The following EDIL3 variants were observed in gnomAD, a reference collection of about 807,000 sequenced individuals.
EDIL3 encodes the protein EGF like and discoidin domains 3, also known as EGF-like repeat and discoidin I-like domain-containing protein 3.
A neutral mutation model predicts 67.4 loss-of-function variants in EDIL3; 37 were observed. The ratio of observed to expected loss-of-function variants is 0.55; its 90% confidence interval spans 0.42 to 0.72. The LOEUF (loss-of-function observed/expected upper bound fraction) is 0.72, where lower values mean the gene tolerates loss of function less well. Ranked by LOEUF, EDIL3 falls within the 30% of genes least tolerant of loss-of-function variation. EDIL3 has a pLI of 0.00. For missense variants in EDIL3, 527 were observed against 586.3 expected, an observed-to-expected ratio of 0.90 and a Z score of 1.04; for synonymous variants, 195 against 196.3, an observed-to-expected ratio of 0.99 and a Z score of 0.05.
chr5:84,087,941 A>G (rs1403813357), intron 6 of EDIL3, among the ~76,000 whole-genome samples: 1 of 152,142 alleles, frequency 6.6e-6, no homozygotes, highest in African/African-American at 2.4e-5. Context: ...TGTTTTTTCT[A>G]AGCATGGAAA....
chr5:84,267,802 A>C (rs1249105594), intron 1 of EDIL3, among the ~76,000 whole-genome samples: 2 of 152,238 alleles, frequency 1.3e-5, no homozygotes, highest in African/African-American at 4.8e-5. Context: ...AAATGACAGT[A>C]ATGGAGCCTT....
At chr5:84,190,877 A>G (rs1010718563) in intron 3 of EDIL3, among the ~76,000 whole-genome samples, 1 of 151,812 alleles carries the variant, frequency 6.6e-6, no homozygotes, top group African/African-American at 2.4e-5. Flanking sequence ...CACTCCTTAT[A>G]TTTTTGTACC....
intron 9 of EDIL3, among the ~76,000 whole-genome samples, chr5:83,987,876 T>TATATATATATATATAC (rs1745083192): frequency 6.8e-6 from 1 of 148,132 alleles, no homozygotes; most frequent in African/African-American, 2.5e-5. Context: ...TATGTATATA[T>TATATATATATATATAC]ATATATATAT....
At chr5:84,287,450 C>T (rs191157355) in intron 1 of EDIL3, among the ~76,000 whole-genome samples, 359 of 152,106 alleles carry the variant, frequency 2.4e-3, no homozygotes, top group Non-Finnish European at 4.1e-3. Flanking sequence ...GAATAATTTG[C>T]AATATTAAAT....
rs908039880 is a variant in EDIL3, at chr5:84,114,377, G to A, written c.470-7547C>T. ...TGGAAAAATGGCCAAAAAGTTTCCCGGATACAGAGTGAGAATGTGAAGGTA... is the reference window on the plus strand; with the variant it reads ...TGGAAAAATGGCCAAAAAGTTTCCCAGATACAGAGTGAGAATGTGAAGGTA... On this transcript the variant is annotated intron_variant, in intron 5 of 10. Transcript: ENST00000296591. Among the ~76,000 whole-genome samples, 5 of 151,970 alleles carry A rather than the reference G, an allele frequency of 3.3e-5. No homozygotes were observed. The East Asian group carries it at 5.8e-4, about 18-fold the overall frequency.
chr5:84,269,247 T>C (rs1745412802), intron 1 of EDIL3, among the ~76,000 whole-genome samples: 1 of 152,184 alleles, frequency 6.6e-6, no homozygotes, highest in South Asian at 2.1e-4. Flanking sequence ...TATATGGTAT[T>C]CAAAAATATG....
chr5:83,943,824 C>T (rs1019190477), intron 10 of EDIL3, among the ~76,000 whole-genome samples: 6 of 151,894 alleles, frequency 4.0e-5, no homozygotes, highest in African/African-American at 1.4e-4. Flanking sequence ...TTGTTTCTCT[C>T]AATTAAAAAA....
At chr5:84,309,584 A>T in intron 1 of EDIL3, among the ~76,000 whole-genome samples, 1 of 151,728 alleles carries the variant, frequency 6.6e-6, no homozygotes, top group Non-Finnish European at 1.5e-5. Flanking sequence ...ATGAGCGAGA[A>T]TATACGGTGT....
At chr5:84,263,014 T>A (rs1745266709) in intron 1 of EDIL3, among the ~76,000 whole-genome samples, 1 of 152,054 alleles carries the variant, frequency 6.6e-6, no homozygotes, top group South Asian at 2.1e-4. Flanking sequence ...ATGAAGAATA[T>A]CCATCCAATC....
chr5:84,237,691 T>C (rs1049201259), intron 2 of EDIL3, among the ~76,000 whole-genome samples: 6 of 152,258 alleles, frequency 3.9e-5, no homozygotes, highest in African/African-American at 1.4e-4. Flanking sequence ...CTAAACACAA[T>C]GTAAAATATT....
intron 9 of EDIL3, among the ~76,000 whole-genome samples, chr5:84,007,787 A>G (rs1166942029): frequency 2.0e-5 from 3 of 152,176 alleles, no homozygotes; most frequent in African/African-American, 7.2e-5. Flanking sequence ...TATACATACC[A>G]AAAATAAAGA....
At chr5:84,085,576 G>A (rs765843225) in intron 6 of EDIL3, among the ~76,000 whole-genome samples, 55 of 152,262 alleles carry the variant, frequency 3.6e-4, no homozygotes, top group Non-Finnish European at 7.1e-4. Flanking sequence ...GCACCAACCT[G>A]ACGCCAGCCA....
chr5:84,116,806 AGAGT>A (rs994383291), intron 5 of EDIL3, among the ~76,000 whole-genome samples: 4 of 152,198 alleles, frequency 2.6e-5, no homozygotes, highest in African/African-American at 4.8e-5. Flanking sequence ...AGGATTTAAT[AGAGT>A]AACAATTTTA....
At position 84,320,124 on chromosome 5, in the gene EDIL3, A is replaced by C. The variant is rs576055322; in HGVS notation, c.67+64184T>G. On this transcript the variant is annotated intron_variant, in intron 1 of 10. Coordinates refer to ENST00000296591, the MANE Select transcript of EDIL3 (RefSeq NM_005711.5). ...ATGTAACAAACCTGCACATTGTGCA[A>C]ATGTACACCAGAACTTAAAGTATAA... Among the ~76,000 whole-genome samples, 84 of 152,136 alleles carry C rather than the reference A, an allele frequency of 5.5e-4. No homozygotes were observed. In the Middle Eastern group the frequency reaches 0.014, roughly 25 times the overall value.
chr5:84,157,612 A>G (rs1748516887), intron 4 of EDIL3, among the ~76,000 whole-genome samples: 1 of 152,054 alleles, frequency 6.6e-6, no homozygotes, highest in Admixed American at 6.6e-5. Context: ...TGTTTTCTCA[A>G]AATCAATTTC....
At chr5:84,319,484 C>A (rs373173717) in intron 1 of EDIL3, among the ~76,000 whole-genome samples, 789 of 20,338 alleles carry the variant, frequency 0.039, 2 homozygotes, top group African/African-American at 0.044. Context: ...AAACAAAAAA[C>A]AAAAAACAAC....
intron 3 of EDIL3, among the ~76,000 whole-genome samples, chr5:84,189,590 T>A (rs955000205): frequency 3.9e-5 from 6 of 152,028 alleles, no homozygotes; most frequent in African/African-American, 1.4e-4. Context: ...CTACACTTTG[T>A]TAAGAGGCAG....
chr5:84,071,436 T>G (rs1379260328), intron 6 of EDIL3, among the ~76,000 whole-genome samples: 1 of 152,142 alleles, frequency 6.6e-6, no homozygotes, highest in East Asian at 1.9e-4. Context: ...ACTTTAAAAT[T>G]CAAAAGAAAT....
At chr5:84,297,896 A>G (rs1473456789) in intron 1 of EDIL3, among the ~76,000 whole-genome samples, 1 of 152,136 alleles carries the variant, frequency 6.6e-6, no homozygotes, top group East Asian at 1.9e-4. Flanking sequence ...CCTGGATTCT[A>G]TCCAAGCCAC....
Sources: allele counts gnomAD v4.1 joint callset (sites outside exome capture counted in the v4.1 genomes callset), GRCh38; gene constraint gnomAD v4.1.1; transcripts MANE v1.5; gene names NCBI Gene and HGNC (gene_info 2026-07-23, HGNC 2026-07-21).